Variants in NRXN3 observed in about 807,000 individuals in gnomAD.
NRXN3 encodes neurexin 3, also known as neurexin III.
NRXN3 carries 32 observed loss-of-function variants against 137.6 expected under a neutral mutation model. That is an observed-to-expected ratio of 0.23 (90% CI 0.18 to 0.31). NRXN3 has a LOEUF of 0.31. Among genes scored for constraint, NRXN3 ranks in the 10% least tolerant of loss-of-function variants. NRXN3 has a pLI of 1.00. For synonymous variants in NRXN3, 798 were observed against 784.5 expected, an observed-to-expected ratio of 1.02 and a Z score of -0.29; for missense variants, 1,574 against 2,062.5, an observed-to-expected ratio of 0.76 and a Z score of 4.59.
chr14:78,295,052 T>A (rs547735050), intron 3 of NRXN3, among the ~76,000 whole-genome samples: 1 of 152,184 alleles, frequency 6.6e-6, no homozygotes, highest in Non-Finnish European at 1.5e-5. Flanking sequence ...GAAGCAGAAT[T>A]TCAAAATAGA....
chr14:78,775,286 C>A (rs1255524643), intron 8 of NRXN3, among the ~76,000 whole-genome samples: 1 of 152,126 alleles, frequency 6.6e-6, no homozygotes, highest in African/African-American at 2.4e-5. Context: ...TAGAAGGCCT[C>A]AGCATCTATA....
At chr14:79,106,836 T>C (rs1308925264) in intron 15 of NRXN3, among the ~76,000 whole-genome samples, 1 of 152,092 alleles carries the variant, frequency 6.6e-6, no homozygotes, top group African/African-American at 2.4e-5. Flanking sequence ...CAAAAGTATA[T>C]AGGAGTGAAT....
At chr14:78,540,623 G>A (rs569280626) in intron 4 of NRXN3, among the ~76,000 whole-genome samples, 6 of 152,210 alleles carry the variant, frequency 3.9e-5, no homozygotes, top group South Asian at 4.1e-4. Flanking sequence ...TTACATTTAA[G>A]GGTAATATTG....
intron 1 of NRXN3, among the ~76,000 whole-genome samples, chr14:78,179,557 C>T (rs113597358): frequency 6.6e-6 from 1 of 152,140 alleles, no homozygotes; most frequent in African/African-American, 2.4e-5. Flanking sequence ...TCTCCAGTGG[C>T]ACCCCAGGAG....
At chr14:79,558,066 A>G (rs2097449075) in intron 16 of NRXN3, among the ~76,000 whole-genome samples, 1 of 152,104 alleles carries the variant, frequency 6.6e-6, no homozygotes, top group African/African-American at 2.4e-5. Flanking sequence ...CATCCATTCA[A>G]GGTTTCTCAT....
chr14:79,580,965 G>C (rs900391242), intron 16 of NRXN3, among the ~76,000 whole-genome samples: 1 of 152,034 alleles, frequency 6.6e-6, no homozygotes, highest in African/African-American at 2.4e-5. Context: ...CAAGTCTGTA[G>C]AATATTGGTT....
intron 15 of NRXN3, among the ~76,000 whole-genome samples, chr14:79,122,954 G>A (rs2055703867): frequency 6.6e-6 from 1 of 152,096 alleles, no homozygotes. Context: ...GGAGGCCAAA[G>A]GTGACTCTAA....
chr14:78,929,371 CA>C (rs2099315229), intron 10 of NRXN3, among the ~76,000 whole-genome samples: 1 of 152,080 alleles, frequency 6.6e-6, no homozygotes, highest in South Asian at 2.1e-4. Context: ...CTCTACCCTC[CA>C]AAAGGCCCCA....
At chr14:78,559,523 C>T (rs2096768400) in intron 4 of NRXN3, among the ~76,000 whole-genome samples, 1 of 152,158 alleles carries the variant, frequency 6.6e-6, no homozygotes, top group African/African-American at 2.4e-5. Context: ...AAGTGGTGTT[C>T]CTGAGTTATA....
intron 4 of NRXN3, among the ~76,000 whole-genome samples, chr14:78,471,323 CACACACACA>C (rs1567684753): frequency 4.6e-4 from 41 of 89,022 alleles, no homozygotes; most frequent in South Asian, 3.1e-3. Context: ...CACACACACA[CACACACACA>C]CCCCCAAGAA....
chr14:79,180,837 G>C (rs139519862), intron 15 of NRXN3, among the ~76,000 whole-genome samples: 3 of 152,104 alleles, frequency 2.0e-5, no homozygotes, highest in African/African-American at 7.2e-5. Flanking sequence ...TAATCTTTAT[G>C]TGACGTCATT....
intron 16 of NRXN3, among the ~76,000 whole-genome samples, chr14:79,546,608 G>T (rs2097323279): frequency 6.6e-6 from 1 of 152,126 alleles, no homozygotes; most frequent in African/African-American, 2.4e-5. Context: ...AAAAGAAGAT[G>T]AGTTTTTAGA....
chr14:78,733,968 G>A (rs1463448411), intron 8 of NRXN3, among the ~76,000 whole-genome samples: 1 of 152,152 alleles, frequency 6.6e-6, no homozygotes, highest in Non-Finnish European at 1.5e-5. Context: ...TGCTCTTACT[G>A]TTGCATGAAT....
chr14:79,324,875 G>A (rs2090616482), intron 15 of NRXN3, among the ~76,000 whole-genome samples: 1 of 152,142 alleles, frequency 6.6e-6, no homozygotes, highest in Non-Finnish European at 1.5e-5. Flanking sequence ...ATATGCATAT[G>A]TGCATATACA....
Position 79,861,052 on chromosome 14 carries a change from T to C in NRXN3, c.4094-290T>C. 5 of 1,412,966 alleles carry C rather than the reference T, an allele frequency of 3.5e-6. No homozygotes were observed. Among genetic ancestry groups the C allele is most frequent in the Non-Finnish European group, 4.6e-6 (5 of 1,085,914 alleles). 87.5% of individuals were successfully genotyped at this position (1,412,966 alleles called of 1,614,324 possible). A position where few individuals can be genotyped will look rare whatever the true frequency, so the allele number is the denominator to read the frequency against. On this transcript the variant is annotated intron_variant, in intron 20 of 20. Transcript: ENST00000335750. This position sits in a 1 kb window ranked among gnomAD's most constrained non-coding sequence, Gnocchi z 5.4. ...TTTCCATCCCAGGAGGTGAATTAGTTATCCCTCTTCTTGTAGAAGACCCTT... is the reference window on the plus strand; with the variant it reads ...TTTCCATCCCAGGAGGTGAATTAGTCATCCCTCTTCTTGTAGAAGACCCTT...
At chr14:78,893,741 G>A (rs2099165882) in intron 10 of NRXN3, among the ~76,000 whole-genome samples, 1 of 151,828 alleles carries the variant, frequency 6.6e-6, no homozygotes, top group African/African-American at 2.4e-5. Flanking sequence ...TTACTTAGCT[G>A]AGAAATTTAG....
At chr14:78,444,036 C>A (rs1487076410) in intron 4 of NRXN3, among the ~76,000 whole-genome samples, 1 of 152,086 alleles carries the variant, frequency 6.6e-6, no homozygotes, top group East Asian at 1.9e-4. Context: ...AAAGGGGAAG[C>A]CAAGGGCTTG....
At chr14:78,744,499 C>T (rs889945) in intron 8 of NRXN3, 151,806 of 152,350 alleles carry the variant, frequency 1, 75,635 homozygotes, top group Non-Finnish European at 1. Context: ...CAGTTGCCCA[C>T]GATTCATACA....
At chr14:78,870,042 A>G (rs2099097503) in intron 10 of NRXN3, among the ~76,000 whole-genome samples, 1 of 152,218 alleles carries the variant, frequency 6.6e-6, no homozygotes, top group South Asian at 2.1e-4. Context: ...AGACAAACCA[A>G]TGTGATCAGG....
Sources: gnomAD v4.1 joint callset for allele counts (sites outside exome capture counted in the v4.1 genomes callset) on GRCh38, gnomAD v4.1.1 for gene constraint, Gnocchi (gnomAD v3.1) non-coding constraint, MANE v1.5 for transcripts, NCBI Gene and HGNC (gene_info 2026-07-23, HGNC 2026-07-21) for gene names.